DMD: variants seen among roughly 807,000 people sequenced by gnomAD.
The protein encoded by DMD is mutant dystrophin.
DMD carries 63 observed loss-of-function variants against 330.1 expected under a neutral mutation model. The observed-to-expected ratio is 0.19, with a 90% CI of 0.16 to 0.24. DMD has a LOEUF of 0.24. Among genes scored for constraint, DMD ranks in the 10% least tolerant of loss-of-function variants. The probability of loss-of-function intolerance (pLI) is 1.00; values close to 1 mark genes in which losing one functional copy is unlikely to be tolerated. For synonymous variants in DMD, 1,223 were observed against 959.8 expected (o/e 1.27, Z -5.07); for missense variants, 3,344 against 2,684.1 (o/e 1.25, Z -5.43).
At position 32,118,056 on chromosome X, in the gene DMD, A is replaced by G. The variant is rs142479021; in HGVS notation, c.6438+98860T>C. On this transcript the variant is annotated intron_variant, in intron 44 of 78. Transcript: ENST00000357033. ...TCCATGAAATTCTCAATCCTAGGCT[A>G]GCAGTTTTCTGCAACTTACAAGCCC... is the stretch of plus-strand genomic sequence containing the variant. 9.3e-3 allele frequency among the ~76,000 whole-genome samples: 1,035 copies of G among 111,515 alleles called. 2 individuals are homozygous for G. Among genetic ancestry groups the G allele is most frequent in the Non-Finnish European group, 0.013 (681 of 53,070 alleles).
At chrX:32,903,982 A>G (rs910026606) in intron 2 of DMD, among the ~76,000 whole-genome samples, 1 of 111,909 alleles carries the variant, frequency 8.9e-6, no homozygotes, top group African/African-American at 3.2e-5. Flanking sequence ...TTTTGCTCAT[A>G]TGTGAAATGG....
At chrX:32,054,886 A>T (rs868719563) in intron 44 of DMD, among the ~76,000 whole-genome samples, 1 of 23,731 alleles carries the variant, frequency 4.2e-5, no homozygotes, top group African/African-American at 1.7e-4. Context: ...AGGGGAGGGG[A>T]GGGGAGGGGA....
At chrX:33,081,144 A>C (rs1194282004) in intron 1 of DMD, among the ~76,000 whole-genome samples, 1 of 111,871 alleles carries the variant, frequency 8.9e-6, no homozygotes, top group Non-Finnish European at 1.9e-5. Context: ...TCTAAGGCTT[A>C]ATCACAGCTG....
At chrX:32,645,237 A>G in intron 9 of DMD, 85 bp from the exon 10 acceptor site, 1 of 1,028,029 alleles carries the variant, frequency 9.7e-7, no homozygotes, top group South Asian at 2.1e-5. Context: ...CGAATGAAAT[A>G]TTTAAAATGC....
chrX:32,183,377 A>T (rs759297515), intron 44 of DMD, among the ~76,000 whole-genome samples: 23 of 102,133 alleles, frequency 2.3e-4, no homozygotes, highest in African/African-American at 9.9e-4. Flanking sequence ...ATGTTTGGAT[A>T]AAAAAATGAA....
intron 4 of DMD, among the ~76,000 whole-genome samples, chrX:32,830,076 A>T (rs763921163): frequency 1.2e-4 from 13 of 111,526 alleles, no homozygotes; most frequent in Non-Finnish European, 2.3e-4. Context: ...GGAGGGAGGT[A>T]TTTGTCATGC....
In DMD at chrX:31,875,358, G is replaced by T. The variant is rs1338600297; in HGVS notation, c.6928C>A (p.Pro2310Thr). ...LQWIKVSRAL[P>T]EKQGEIEAQI... ...GCTTCAATTTCTCCTTGTTTCTCAG[G>T]TAAAGCTCTGGAAACCTGAAAGGAA... Residue 2310 changes from proline to threonine, a missense_variant, in exon 48 of 79, where the codon CCT becomes ACT. Pro to Thr is a conservative substitution (Grantham distance 38). Transcript: ENST00000357033. The T allele has an allele frequency of 1.7e-6, 2 of 1,190,943 alleles. No homozygotes were observed. Among genetic ancestry groups the T allele is most frequent in the African/African-American group, 3.5e-5 (2 of 56,954 alleles).
At chrX:32,653,394 G>A (rs2060312013) in intron 9 of DMD, among the ~76,000 whole-genome samples, 1 of 111,710 alleles carries the variant, frequency 9.0e-6, no homozygotes, top group African/African-American at 3.3e-5. Context: ...AGTTTTCCCA[G>A]CACCATTTAT....
intron 34 of DMD, among the ~76,000 whole-genome samples, chrX:32,377,443 A>G (rs1267124601): frequency 8.9e-6 from 1 of 111,739 alleles, no homozygotes; most frequent in Non-Finnish European, 1.9e-5. Context: ...TATGCTTGGC[A>G]CGAAAAGGCT....
chrX:31,875,789 C>T (rs2093958629), intron 47 of DMD, among the ~76,000 whole-genome samples: 1 of 112,395 alleles, frequency 8.9e-6, no homozygotes, highest in African/African-American at 3.2e-5. Context: ...AGTTATTCAG[C>T]ATTAGCACCA....
At chrX:33,077,927 G>A (rs970951774) in intron 1 of DMD, among the ~76,000 whole-genome samples, 27 of 112,341 alleles carry the variant, frequency 2.4e-4, no homozygotes, top group African/African-American at 8.4e-4. Context: ...CTTATAAAAT[G>A]CATTTTAGTC....
chrX:31,382,303 C>A (rs2060221298), intron 60 of DMD, among the ~76,000 whole-genome samples: 1 of 111,307 alleles, frequency 9.0e-6, no homozygotes, highest in Admixed American at 9.5e-5. Flanking sequence ...TTTATTAGGC[C>A]CCAGTCTCAT....
chrX:33,262,258 C>T (rs148171537), intron 1 of DMD, among the ~76,000 whole-genome samples: 1,313 of 110,843 alleles, frequency 0.012, 18 homozygotes, highest in Middle Eastern at 0.061. Flanking sequence ...TTAGAAGATA[C>T]TAATGAAGAA....
At chrX:31,223,184 C>T (rs986744402) in intron 63 of DMD, 63 bp from the exon 64 acceptor site, 30 of 1,012,455 alleles carry the variant, frequency 3.0e-5, no homozygotes, top group South Asian at 7.6e-5. Flanking sequence ...AACCCACCCC[C>T]GACGCCCAGT....
In DMD at chrX:32,479,995, T is replaced by A. The variant is rs147648532; in HGVS notation, c.2803+4924A>T. Among the ~76,000 whole-genome samples, 1,066 of 110,916 alleles carry A rather than the reference T, an allele frequency of 9.6e-3. 20 individuals are homozygous for A. The highest frequency in any genetic ancestry group is 0.033 in the African/African-American group (1,006 of 30,597). On this transcript the variant is annotated intron_variant, in intron 21 of 78. Coordinates refer to ENST00000357033, the MANE Select transcript of DMD (RefSeq NM_004006.3). ...GCAGCTCACAGATCAAGAGAAAATA[T>A]TTGCAAACCAAATATCTGGTAAGGA...
chrX:32,306,016 A>G (rs1368365001), intron 42 of DMD, among the ~76,000 whole-genome samples: 1 of 107,926 alleles, frequency 9.3e-6, no homozygotes, highest in Non-Finnish European at 1.9e-5. Context: ...CTACCCCTGT[A>G]GTGGTCCTAT....
chrX:32,479,621 T>C (rs919616224), intron 21 of DMD, among the ~76,000 whole-genome samples: 34 of 110,139 alleles, frequency 3.1e-4, no homozygotes, highest in South Asian at 3.0e-3. Context: ...ATTCCTTCCT[T>C]TTAAAGACTG....
intron 62 of DMD, among the ~76,000 whole-genome samples, chrX:31,276,696 A>T (rs1463792771): frequency 8.9e-6 from 1 of 112,295 alleles, no homozygotes. Flanking sequence ...ACAGTAGAGT[A>T]TATAATATAC....
chrX:32,504,421 C>T (rs745707555), intron 18 of DMD, among the ~76,000 whole-genome samples: 6 of 110,560 alleles, frequency 5.4e-5, no homozygotes, highest in Admixed American at 9.7e-5. Flanking sequence ...GTCGGGAGTT[C>T]GAGACCAGCC....
Sources: allele counts gnomAD v4.1 joint callset (sites outside exome capture counted in the v4.1 genomes callset), GRCh38; gene constraint gnomAD v4.1.1; transcripts MANE v1.5; gene names NCBI Gene and HGNC (gene_info 2026-07-23, HGNC 2026-07-21).